WLS: variants seen among roughly 807,000 people sequenced by gnomAD.
WLS encodes protein wntless homolog.
A neutral mutation model predicts 62.8 loss-of-function variants in WLS; 23 were observed. The ratio of observed to expected loss-of-function variants is 0.37; its 90% CI spans 0.26 to 0.52. The LOEUF is 0.52. Among genes scored for constraint, WLS ranks in the 20% least tolerant of loss-of-function variants. The pLI, the probability that WLS is intolerant of heterozygous loss-of-function variation, is 0.92. For missense variants in WLS, 615 were observed against 697.3 expected (o/e 0.88, Z 1.33); for synonymous variants, 246 against 244.1 (o/e 1.01, Z -0.07).
chr1:68,178,180 C>T (rs1423085035), intron 2 of WLS, among the ~76,000 whole-genome samples: 1 of 152,218 alleles, frequency 6.6e-6, no homozygotes, highest in African/African-American at 2.4e-5. Context: ...CCACCTTTGA[C>T]TCAATCAAAA....
chr1:68,105,469 A>G (rs1646130829), intron 11 of WLS, among the ~76,000 whole-genome samples: 1 of 152,168 alleles, frequency 6.6e-6, no homozygotes, highest in Non-Finnish European at 1.5e-5. Context: ...GTGCCACCTC[A>G]TTGTAGAAAA....
intron 1 of WLS, among the ~76,000 whole-genome samples, chr1:68,214,182 AACACACACACACAC>A (rs71581159): frequency 4.8e-5 from 7 of 146,510 alleles, no homozygotes; most frequent in Non-Finnish European, 9.1e-5. Context: ...GTGATCTCTG[AACACACACACACAC>A]ACACACACAC....
chr1:68,148,743 A>C, intron 6 of WLS, 83 bp from the exon 7 acceptor site: 1 of 1,249,354 alleles, frequency 8.0e-7, no homozygotes, highest in Admixed American at 1.9e-5. Context: ...TTCGAAGGAC[A>C]CTTGCCGACC....
intron 8 of WLS, among the ~76,000 whole-genome samples, chr1:68,146,629 T>C (rs1236928262): frequency 1.3e-5 from 2 of 152,110 alleles, no homozygotes; most frequent in Non-Finnish European, 2.9e-5. Flanking sequence ...GGCTTGAAAG[T>C]CTTAAAGTGA....
chr1:68,200,446 A>C (rs576905779), intron 1 of WLS, among the ~76,000 whole-genome samples: 1 of 130,522 alleles, frequency 7.7e-6, no homozygotes, highest in East Asian at 2.7e-4. Flanking sequence ...TTTTAAAAAT[A>C]ATTGGGACTG....
chr1:68,190,852 G>A lies in WLS; in HGVS notation c.379+3103C>T, dbSNP rs1202950282. 2.6e-5 allele frequency among the ~76,000 whole-genome samples: 4 copies of A among 152,296 alleles called. No individual in the cohort carries two copies. The East Asian group carries it at 7.7e-4, about 29-fold the overall frequency. On this transcript the variant is annotated intron_variant, in intron 2 of 11. Transcript: ENST00000262348. The stretch of plus-strand genomic sequence containing the variant: ...GTGAGTGGATCACCTGAGGTCGGGA[G>A]TTCTAGACCATCCTGGCCAACATGG...
At chr1:68,154,864 A>C (rs550986675) in intron 4 of WLS, among the ~76,000 whole-genome samples, 18 of 152,342 alleles carry the variant, frequency 1.2e-4, no homozygotes, top group Admixed American at 5.9e-4. Flanking sequence ...TCTTATCATC[A>C]TTGTAATGAT....
At chr1:68,118,874 T>TGAAAAAAAAAA (rs1646328613) in intron 11 of WLS, among the ~76,000 whole-genome samples, 1 of 18,994 alleles carries the variant, frequency 5.3e-5, no homozygotes, top group African/African-American at 1.7e-4. Flanking sequence ...AGACTCTGTC[T>TGAAAAAAAAAA]CAAAAAAAAA....
chr1:68,127,041 T>C (rs1307032994), intron 11 of WLS: 2 of 373,804 alleles, frequency 5.4e-6, no homozygotes, highest in Non-Finnish European at 1.1e-5. Context: ...AAAAATTTGT[T>C]TTAATTACCT....
intron 11 of WLS, among the ~76,000 whole-genome samples, chr1:68,135,952 A>G (rs940585846): frequency 2.0e-5 from 3 of 152,208 alleles, no homozygotes; most frequent in Non-Finnish European, 4.4e-5. Flanking sequence ...AGTCAGTCAA[A>G]CCAAAGTTGG....
At chr1:68,204,730 T>A (rs1649206916) in intron 1 of WLS, among the ~76,000 whole-genome samples, 1 of 152,230 alleles carries the variant, frequency 6.6e-6, no homozygotes, top group Non-Finnish European at 1.5e-5. Context: ...ATTCAATTTG[T>A]TAAATGCCTA....
intron 1 of WLS, among the ~76,000 whole-genome samples, chr1:68,227,121 G>A (rs946988136): frequency 3.3e-5 from 5 of 152,138 alleles, no homozygotes; most frequent in Admixed American, 2.0e-4. Context: ...AATTCAAGCC[G>A]GGCATCTTGT....
At chr1:68,144,715 A>T in intron 9 of WLS, 63 bp from the exon 10 acceptor site, 1 of 1,338,978 alleles carries the variant, frequency 7.5e-7, no homozygotes. Flanking sequence ...TCACTATGTA[A>T]ATCTATAAAA....
At chr1:68,123,738 G>C, downstream of WLS, among the ~76,000 whole-genome samples, 1 of 152,006 alleles carries the variant, frequency 6.6e-6, no homozygotes, top group Admixed American at 6.5e-5. Flanking sequence ...ACTGGCACAG[G>C]GACAGCCACC....
At chr1:68,123,928 A>G (rs2100367535), downstream of WLS, among the ~76,000 whole-genome samples, 1 of 152,274 alleles carries the variant, frequency 6.6e-6, no homozygotes, top group African/African-American at 2.4e-5. Flanking sequence ...ATATGCTAGG[A>G]AAGTTCTAGT....
At chr1:68,160,650 A>G (rs1646960035) in intron 2 of WLS, among the ~76,000 whole-genome samples, 1 of 152,226 alleles carries the variant, frequency 6.6e-6, no homozygotes, top group African/African-American at 2.4e-5. Context: ...CAATAAACAA[A>G]TACAGTAACA....
intron 11 of WLS, among the ~76,000 whole-genome samples, chr1:68,118,842 A>G (rs1262547681): frequency 4.7e-5 from 6 of 127,350 alleles, no homozygotes; most frequent in Non-Finnish European, 9.5e-5. Flanking sequence ...ACGCCACTGC[A>G]TTCCAGCCTG....
At chr1:68,174,296 G>T (rs1446451415) in intron 2 of WLS, among the ~76,000 whole-genome samples, 1 of 152,194 alleles carries the variant, frequency 6.6e-6, no homozygotes, top group Non-Finnish European at 1.5e-5. Context: ...CTGGAGTCAG[G>T]CCAGTGTTAT....
In WLS at chr1:68,187,189, C is replaced by CAAAAAAAAAAAAAAAAAAAAA. The variant is rs34130992; in HGVS notation, c.379+6745_379+6765dup. Among the ~76,000 whole-genome samples the CAAAAAAAAAAAAAAAAAAAAA allele has an allele frequency of 7.9e-3, 450 of 57,110 alleles. 47 individuals are homozygous for CAAAAAAAAAAAAAAAAAAAAA. The highest frequency in any genetic ancestry group is 0.03 in the African/African-American group (403 of 13,328). The allele number at this position is 57,110 out of a possible 152,430, so 37.5% of individuals were successfully genotyped here. On this transcript the variant is annotated intron_variant, in intron 2 of 11. Coordinates refer to ENST00000262348, the MANE Select transcript of WLS (RefSeq NM_024911.7). ...GGGGGACAGAGCAAGACTCCATCTC[C>CAAAAAAAAAAAAAAAAAAAAA]AAAAAAAAAAAAAAAAAAAAAATTA...
Sources: allele counts gnomAD v4.1 joint callset (sites outside exome capture counted in the v4.1 genomes callset), GRCh38; gene constraint gnomAD v4.1.1; transcripts MANE v1.5; gene names NCBI Gene and HGNC (gene_info 2026-07-23, HGNC 2026-07-21).